Variants in MALRD1 observed in about 807,000 individuals in gnomAD.
The protein encoded by MALRD1 is MAM and LDL-receptor class A domain-containing protein 1.
MALRD1 carries 247 observed loss-of-function variants against 242.1 expected under a neutral mutation model. The observed-to-expected ratio is 1.02, with a 90% confidence interval of 0.92 to 1.13. The LOEUF (loss-of-function observed/expected upper bound fraction) is 1.13, where lower values mean the gene tolerates loss of function less well. Ranked by LOEUF, MALRD1 falls within the 50% of genes most tolerant of loss-of-function variation. The pLI is 0.00. For synonymous variants in MALRD1, 995 were observed against 866.6 expected (o/e 1.15, Z -2.60); for missense variants, 2,989 against 2,533.1 (o/e 1.18, Z -3.86).
intron 18 of MALRD1, among the ~76,000 whole-genome samples, chr10:19,210,353 A>T (rs957783079): frequency 1.4e-4 from 21 of 152,190 alleles, no homozygotes; most frequent in Non-Finnish European, 2.2e-4. Flanking sequence ...CAAAGAAAAA[A>T]GCTTGGAGTG....
chr10:19,398,342 A>G (rs886941674), intron 28 of MALRD1, among the ~76,000 whole-genome samples: 4 of 152,130 alleles, frequency 2.6e-5, no homozygotes, highest in Non-Finnish European at 4.4e-5. Context: ...AAACAAATTA[A>G]TACCAATTAT....
intron 38 of MALRD1, among the ~76,000 whole-genome samples, chr10:19,707,786 T>TAAAAAAAA (rs35967457): frequency 1.6e-5 from 1 of 60,850 alleles, no homozygotes; most frequent in Non-Finnish European, 3.8e-5. Flanking sequence ...CCATCTGTAC[T>TAAAAAAAA]AAAAAAAAAA....
chr10:19,084,201 C>T (rs1166004182), intron 2 of MALRD1, among the ~76,000 whole-genome samples: 2 of 151,832 alleles, frequency 1.3e-5, no homozygotes, highest in Non-Finnish European at 2.9e-5. Context: ...TGGTATGAGT[C>T]AAAACGTATG....
At chr10:19,157,461 A>C (rs543728446) in intron 12 of MALRD1, among the ~76,000 whole-genome samples, 23 of 151,902 alleles carry the variant, frequency 1.5e-4, no homozygotes, top group Non-Finnish European at 2.8e-4. Context: ...GTTATCCAGG[A>C]TGGTCTCGAT....
At chr10:19,234,484 T>TC (rs1838214129) in intron 18 of MALRD1, among the ~76,000 whole-genome samples, 1 of 152,058 alleles carries the variant, frequency 6.6e-6, no homozygotes, top group African/African-American at 2.4e-5. Flanking sequence ...TTAGTTTATT[T>TC]CTCTCTTTTC....
chr10:19,520,504 A>G (rs922803470), intron 31 of MALRD1, among the ~76,000 whole-genome samples: 2 of 152,160 alleles, frequency 1.3e-5, no homozygotes, highest in African/African-American at 4.8e-5. Flanking sequence ...CAAACATACA[A>G]TACCATCAAA....
intron 25 of MALRD1, among the ~76,000 whole-genome samples, chr10:19,348,587 A>C (rs1009103755): frequency 6.6e-6 from 1 of 152,166 alleles, no homozygotes; most frequent in East Asian, 1.9e-4. Flanking sequence ...AAAATCATGA[A>C]AACATCTATG....
chr10:19,553,419 C>T (rs1386919466), intron 32 of MALRD1, among the ~76,000 whole-genome samples: 1 of 151,866 alleles, frequency 6.6e-6, no homozygotes. Context: ...ACCAATATGT[C>T]AGAATATAAA....
chr10:19,347,114 A>G (rs1401814154), intron 24 of MALRD1, among the ~76,000 whole-genome samples: 1 of 152,220 alleles, frequency 6.6e-6, no homozygotes, highest in Non-Finnish European at 1.5e-5. Flanking sequence ...TTGCCGCACG[A>G]TAAAAAGATG....
At chr10:19,320,030 T>G (rs1327890436) in intron 21 of MALRD1, among the ~76,000 whole-genome samples, 1 of 149,706 alleles carries the variant, frequency 6.7e-6, no homozygotes, top group Non-Finnish European at 1.5e-5. Context: ...AACCTGAGTT[T>G]TATAAAACTG....
intron 18 of MALRD1, among the ~76,000 whole-genome samples, chr10:19,248,196 A>G (rs749031780): frequency 4.5e-4 from 68 of 152,048 alleles, no homozygotes; most frequent in African/African-American, 1.5e-3. Flanking sequence ...GTACTACATA[A>G]TAACTATGGA....
intron 31 of MALRD1, among the ~76,000 whole-genome samples, chr10:19,502,187 T>C (rs1209717751): frequency 6.6e-6 from 1 of 152,046 alleles, no homozygotes; most frequent in Non-Finnish European, 1.5e-5. Flanking sequence ...TCTTGTCCTT[T>C]TAATATTTAC....
intron 36 of MALRD1, among the ~76,000 whole-genome samples, chr10:19,620,404 G>A (rs1245972408): frequency 1.3e-5 from 2 of 151,914 alleles, no homozygotes; most frequent in East Asian, 1.9e-4. Context: ...CAATTCAAAC[G>A]TCTAACCGTT....
chr10:19,300,743 A>T (rs150639599), intron 21 of MALRD1, among the ~76,000 whole-genome samples: 1 of 152,182 alleles, frequency 6.6e-6, no homozygotes, highest in South Asian at 2.1e-4. Context: ...TGTAAAACCT[A>T]AAACTATAGA....
chr10:19,326,060 T>G (rs1046302854), intron 22 of MALRD1, among the ~76,000 whole-genome samples: 1 of 152,140 alleles, frequency 6.6e-6, no homozygotes, highest in African/African-American at 2.4e-5. Flanking sequence ...AATGTGAGAC[T>G]TCGTTCTGAA....
intron 38 of MALRD1, among the ~76,000 whole-genome samples, chr10:19,697,659 G>T (rs1833440753): frequency 6.6e-6 from 1 of 152,104 alleles, no homozygotes; most frequent in Admixed American, 6.6e-5. Context: ...CTATCATATG[G>T]AAGTTATTGA....
chr10:19,155,065 G>GT lies in MALRD1; in HGVS notation c.1559-4dup, dbSNP rs886954019. The stretch of plus-strand genomic sequence containing the variant: ...CTTGCATCCCTATGACTTTCCCTTT[G>GT]TTTTTTCAGGATCGTTTATTTATTT... On this transcript the variant is annotated splice_polypyrimidine_tract_variant and intron_variant, in intron 11 of 39. Coordinates refer to ENST00000454679, the MANE Select transcript of MALRD1 (RefSeq NM_001142308.3). The GT allele has an allele frequency of 3.3e-6, 4 of 1,230,450 alleles. No individual in the cohort carries two copies. In the African/African-American group the frequency reaches 4.7e-5, roughly 14 times the overall value. The allele number at this position is 1,230,450 out of a possible 1,614,324, so 76.2% of individuals were successfully genotyped here. A position where few individuals can be genotyped will look rare whatever the true frequency, so the allele number is the denominator to read the frequency against.
Position 19,331,591 on chromosome 10 carries a change from A to C in MALRD1, c.3901+9A>C. ...GACTACTTTCATTTGCCGTAAGTAA[A>C]AGGGTTCTGTTTTCTTACTTTTGCC... On this transcript the variant is annotated intron_variant, in intron 24 of 39. Coordinates refer to ENST00000454679, the MANE Select transcript of MALRD1 (RefSeq NM_001142308.3). The C allele has an allele frequency of 3.9e-6, 6 of 1,548,590 alleles. No individual in the cohort carries two copies. Among genetic ancestry groups the C allele is most frequent in the Non-Finnish European group, 5.2e-6 (6 of 1,145,530 alleles).
At chr10:19,513,747 A>AT (rs1370982182) in intron 31 of MALRD1, among the ~76,000 whole-genome samples, 1 of 117,326 alleles carries the variant, frequency 8.5e-6, no homozygotes, top group East Asian at 2.4e-4. Flanking sequence ...TCAAAAGAAA[A>AT]GAAAAAAAAA....
Sources: allele counts gnomAD v4.1 joint callset (sites outside exome capture counted in the v4.1 genomes callset), GRCh38; gene constraint gnomAD v4.1.1; transcripts MANE v1.5; gene names NCBI Gene and HGNC (gene_info 2026-07-23, HGNC 2026-07-21).